The following NRG1 variants were observed in gnomAD, a reference collection of about 807,000 sequenced individuals.
NRG1 encodes the protein neuregulin 1, also known as pro-neuregulin-1, membrane-bound isoform.
A neutral mutation model predicts 63.8 loss-of-function variants in NRG1; 18 were observed. The observed-to-expected ratio is 0.28, with a 90% CI of 0.19 to 0.42. The LOEUF (loss-of-function observed/expected upper bound fraction) is 0.42, where lower values mean the gene tolerates loss of function less well. Ranked by LOEUF, NRG1 falls within the 10% of genes least tolerant of loss-of-function variation. The pLI, the probability that NRG1 is intolerant of heterozygous loss-of-function variation, is 1.00. For missense variants in NRG1, 762 were observed against 814.7 expected (o/e 0.94, Z 0.79); for synonymous variants, 302 against 301.3 (o/e 1.00, Z -0.02).
chr8:31,903,148 C>CTTTTTTTT (rs35433200), intron 1 of NRG1, among the ~76,000 whole-genome samples: 18 of 125,484 alleles, frequency 1.4e-4, no homozygotes, highest in East Asian at 5.4e-4. Flanking sequence ...GAGCCTTCAA[C>CTTTTTTTT]TTTTTTTTTT....
intron 1 of NRG1, among the ~76,000 whole-genome samples, chr8:32,006,534 G>A (rs559796534): frequency 1.3e-5 from 2 of 151,980 alleles, no homozygotes; most frequent in Admixed American, 6.6e-5. Flanking sequence ...GAAATTTCTC[G>A]TGCTAGTGAC....
exon 12 of NRG1, chr8:32,766,878 C>T (rs1162180549): frequency 6.6e-6 from 1 of 152,092 alleles, no homozygotes; most frequent in African/African-American, 2.4e-5. Context: ...CTCTGTGATG[C>T]TTGTCACATC....
At chr8:31,951,333 C>T (rs1174485896) in intron 1 of NRG1, among the ~76,000 whole-genome samples, 1 of 152,126 alleles carries the variant, frequency 6.6e-6, no homozygotes. Context: ...GGTGGTTCAG[C>T]TGCATGATAT....
chr8:32,764,013 C>T, exon 12 of NRG1: 11 of 1,614,080 alleles, frequency 6.8e-6, no homozygotes, highest in Non-Finnish European at 9.3e-6. Context: ...CAGTAACAGC[C>T]TCCCTGCTAG....
chr8:32,395,666 G>A (rs1157717338), intron 1 of NRG1, among the ~76,000 whole-genome samples: 1 of 150,940 alleles, frequency 6.6e-6, no homozygotes, highest in African/African-American at 2.4e-5. Context: ...GTTTACAAGT[G>A]TGTTTTCCCA....
chr8:31,916,829 A>G (rs971353926), intron 1 of NRG1, among the ~76,000 whole-genome samples: 1 of 151,692 alleles, frequency 6.6e-6, no homozygotes, highest in Non-Finnish European at 1.5e-5. Context: ...CAACAATGTA[A>G]AAGTGTTCCT....
At chr8:32,157,122 G>A (rs28404133) in intron 1 of NRG1, among the ~76,000 whole-genome samples, 3,178 of 149,692 alleles carry the variant, frequency 0.021, 121 homozygotes, top group African/African-American at 0.075. Flanking sequence ...TGTAATCCCA[G>A]CACTTTGGGA....
intron 1 of NRG1, among the ~76,000 whole-genome samples, chr8:32,405,535 T>C (rs1813837150): frequency 6.6e-6 from 1 of 152,220 alleles, no homozygotes; most frequent in African/African-American, 2.4e-5. Flanking sequence ...TAAACACAGA[T>C]GCTTGATTTT....
In NRG1 at chr8:32,510,776, A is replaced by G. The variant is rs1034158576; in HGVS notation, c.38-85052A>G. Among the ~76,000 whole-genome samples, 14 of 152,080 alleles carry G rather than the reference A, an allele frequency of 9.2e-5. No individual in the cohort carries two copies. The East Asian group carries it at 1.9e-3, about 21-fold the overall frequency. On this transcript the variant is annotated intron_variant, in intron 1 of 10. Transcript: ENST00000519301. ...GACAGGACTCTTTTCAGTAATCCGG[A>G]AGATGGCTCCACCCTCTCTAGTCCA...
intron 1 of NRG1, among the ~76,000 whole-genome samples, chr8:32,558,367 T>C (rs760293782): frequency 5.3e-5 from 8 of 152,238 alleles, no homozygotes; most frequent in African/African-American, 1.7e-4. Context: ...GTGGTTATGC[T>C]GTGTCAGGTG....
intron 1 of NRG1, among the ~76,000 whole-genome samples, chr8:32,150,077 C>A (rs570165760): frequency 1.3e-5 from 2 of 152,086 alleles, no homozygotes; most frequent in Non-Finnish European, 2.9e-5. Context: ...TAAGAAGGCA[C>A]CCTGATGTGT....
At chr8:32,411,325 G>T (rs537921488) in intron 1 of NRG1, among the ~76,000 whole-genome samples, 114 of 152,252 alleles carry the variant, frequency 7.5e-4, no homozygotes, top group Non-Finnish European at 1.4e-3. Flanking sequence ...GAGACTTAAC[G>T]GTGTGGGACA....
chr8:32,076,734 A>AT lies in NRG1; in HGVS notation c.37+437305dup, dbSNP rs398112367. 1.9e-3 allele frequency among the ~76,000 whole-genome samples: 292 copies of AT among 151,824 alleles called. 4 individuals carry two copies. Among genetic ancestry groups the AT allele is most frequent in the African/African-American group, 6.5e-3 (270 of 41,398 alleles). On this transcript the variant is annotated intron_variant, in intron 1 of 10. Coordinates refer to the NRG1 transcript ENST00000519301. ...CTGAACTTAAGTAAAAAAAAAAAAA[A>AT]TTAAGTCATGTAGATGCGTACTTTG...
intron 1 of NRG1, among the ~76,000 whole-genome samples, chr8:31,787,671 G>A (rs971071792): frequency 5.3e-5 from 8 of 152,066 alleles, no homozygotes; most frequent in South Asian, 2.1e-4. Flanking sequence ...GCTTATTTTC[G>A]TAATTAGAGA....
At chr8:32,102,900 T>C (rs1830756993) in intron 1 of NRG1, among the ~76,000 whole-genome samples, 1 of 152,166 alleles carries the variant, frequency 6.6e-6, no homozygotes, top group Non-Finnish European at 1.5e-5. Context: ...TAATTTTTAA[T>C]TTCTAATTTT....
Position 31,899,873 on chromosome 8 carries a change from A to G in NRG1, c.37+260442A>G, listed in dbSNP as rs556174784. Among the ~76,000 whole-genome samples the G allele has an allele frequency of 2.0e-5, 3 of 152,356 alleles. No homozygotes were observed. In the East Asian group the frequency reaches 5.8e-4, roughly 29 times the overall value. The stretch of plus-strand genomic sequence containing the variant: ...ATAGAATGAATAAGAAGATAATAAG[A>G]CGAATGGAAGACTACATTCTTTCTA... On this transcript the variant is annotated intron_variant, in intron 1 of 10. Coordinates refer to the NRG1 transcript ENST00000519301.
intron 1 of NRG1, among the ~76,000 whole-genome samples, chr8:32,278,474 C>T (rs1392421083): frequency 6.6e-6 from 1 of 152,154 alleles, no homozygotes; most frequent in Admixed American, 6.5e-5. Context: ...ACTTTTGGAA[C>T]CAGAGTGGTT....
intron 1 of NRG1, among the ~76,000 whole-genome samples, chr8:32,164,028 C>T (rs763919891): frequency 6.6e-6 from 1 of 152,210 alleles, no homozygotes; most frequent in Non-Finnish European, 1.5e-5. Context: ...TGTGTACACA[C>T]ATGTGAGTGC....
At chr8:31,968,749 C>A (rs1029575608) in intron 1 of NRG1, among the ~76,000 whole-genome samples, 7 of 152,120 alleles carry the variant, frequency 4.6e-5, no homozygotes, top group African/African-American at 1.7e-4. Flanking sequence ...ATCTGTATAG[C>A]AGCATCAAAG....
Sources: gnomAD v4.1 joint callset for allele counts (sites outside exome capture counted in the v4.1 genomes callset) on GRCh38, gnomAD v4.1.1 for gene constraint, MANE v1.5 for transcripts, NCBI Gene and HGNC (gene_info 2026-07-23, HGNC 2026-07-21) for gene names.